Variants in PIH1D2 observed in about 807,000 individuals in gnomAD.
The protein encoded by PIH1D2 is PIH1 domain-containing protein 2.
A neutral mutation model predicts 31.2 loss-of-function variants in PIH1D2; 25 were observed. The observed-to-expected ratio is 0.80, with a 90% confidence interval of 0.58 to 1.12. PIH1D2 has a LOEUF of 1.12. Ranked by LOEUF, PIH1D2 falls within the 50% of genes most tolerant of loss-of-function variation. The probability of loss-of-function intolerance (pLI) is 0.00; values close to 1 mark genes in which losing one functional copy is unlikely to be tolerated. For synonymous variants in PIH1D2, 116 were observed against 119.9 expected, an observed-to-expected ratio of 0.97 and a Z score of 0.21; for missense variants, 310 against 356.6, an observed-to-expected ratio of 0.87 and a Z score of 1.05.
the PIH1D2 span, among the ~76,000 whole-genome samples, chr11:112,056,083 G>T: frequency 6.6e-6 from 1 of 151,450 alleles, no homozygotes; most frequent in East Asian, 1.9e-4. Flanking sequence ...GGCCAGAATG[G>T]TCTCAATCTC....
At chr11:112,059,326 C>T (rs996898375), downstream of PIH1D2, among the ~76,000 whole-genome samples, 2 of 151,878 alleles carry the variant, frequency 1.3e-5, no homozygotes, top group Non-Finnish European at 2.9e-5. Context: ...GCGAAACCAA[C>T]CTACTGCTGC....
At chr11:112,065,233 A>G (rs1428080187), downstream of PIH1D2, among the ~76,000 whole-genome samples, 6 of 152,126 alleles carry the variant, frequency 3.9e-5, no homozygotes, top group African/African-American at 1.4e-4. Context: ...ACTGGGCCCC[A>G]TTTTGTTTTT....
Position 112,071,689 on chromosome 11 carries a change from T to C in PIH1D2, c.247A>G (p.Thr83Ala). 6.2e-7 allele frequency: 1 copy of C among 1,613,212 alleles called. No individual in the cohort carries two copies. The highest frequency in any genetic ancestry group is 8.5e-7 in the Non-Finnish European group (1 of 1,179,244). The change falls in exon 3 of 6, where the codon ACT (threonine) becomes GCT (alanine). Residue 83 changes from threonine to alanine, a missense_variant. By Grantham distance (58) the Thr-to-Ala change is moderately conservative. Coordinates refer to ENST00000280350, the MANE Select transcript of PIH1D2 (RefSeq NM_138789.4). ...WTRIPAPQST[T>A]HPVPLTVGKP... ...CCAACAGTTAGAGGTACTGGATGAG[T>C]GGTTGATTGGGGAGCTGGGATCCTT...
downstream of PIH1D2, chr11:112,060,057 G>A (rs1864460815): frequency 6.2e-7 from 1 of 1,610,544 alleles, no homozygotes; most frequent in Admixed American, 1.7e-5. Context: ...ACAGCCACAT[G>A]AATTCCAGGT....
At chr11:112,061,266 C>A (rs1304215499), downstream of PIH1D2, 1 of 1,395,190 alleles carries the variant, frequency 7.2e-7, no homozygotes, top group Non-Finnish European at 1.0e-6. Flanking sequence ...GCTCCAGGAA[C>A]CCCCTCAAAT....
intron 2 of PIH1D2, 82 bp downstream of exon 2, chr11:112,072,916 T>C: frequency 8.4e-7 from 1 of 1,190,114 alleles, no homozygotes. Flanking sequence ...AAATTAGCAA[T>C]ACCTAAGTGT....
downstream of PIH1D2, among the ~76,000 whole-genome samples, chr11:112,059,733 A>G (rs1023165898): frequency 6.6e-6 from 1 of 152,218 alleles, no homozygotes; most frequent in Non-Finnish European, 1.5e-5. Flanking sequence ...AGGAGAGGGC[A>G]CAGCAAAATG....
At chr11:112,058,755 T>A (rs1426232379), downstream of PIH1D2, among the ~76,000 whole-genome samples, 5 of 152,070 alleles carry the variant, frequency 3.3e-5, no homozygotes, top group Admixed American at 3.3e-4. Context: ...TATTTTCATA[T>A]CACATTGTAG....
chr11:112,057,117 A>C, the PIH1D2 span, among the ~76,000 whole-genome samples: 1 of 152,174 alleles, frequency 6.6e-6, no homozygotes, highest in Non-Finnish European at 1.5e-5. Context: ...TGCCCCATGA[A>C]CCATGCCCAT....
the PIH1D2 span, among the ~76,000 whole-genome samples, chr11:112,054,933 T>C: frequency 6.6e-6 from 1 of 152,196 alleles, no homozygotes; most frequent in Admixed American, 6.5e-5. Context: ...CTGTATTTTC[T>C]CTTCTCTTAA....
At chr11:112,072,743 A>G (rs192557331) in intron 2 of PIH1D2, 171 of 309,800 alleles carry the variant, frequency 5.5e-4, no homozygotes, top group African/African-American at 3.5e-3. Flanking sequence ...ACACACCTGT[A>G]ATCCCAGCTA....
chr11:112,064,424 T>C (rs1864828770), downstream of PIH1D2: 1 of 520,178 alleles, frequency 1.9e-6, no homozygotes, highest in Non-Finnish European at 3.3e-6. Context: ...TGTTGGTAAT[T>C]ATTTTCACAT....
chr11:112,059,830 T>C, downstream of PIH1D2: 1 of 1,334,168 alleles, frequency 7.5e-7, no homozygotes, highest in Non-Finnish European at 1.0e-6. Flanking sequence ...TAAATATAAA[T>C]ATTCTTGCTT....
At chr11:112,066,460 A>T (rs1339436453), downstream of PIH1D2, among the ~76,000 whole-genome samples, 1 of 151,904 alleles carries the variant, frequency 6.6e-6, no homozygotes, top group Non-Finnish European at 1.5e-5. Flanking sequence ...CAACATGGAG[A>T]AACCCTGTCT....
chr11:112,057,057 T>C, the PIH1D2 span, among the ~76,000 whole-genome samples: 976 of 152,350 alleles, frequency 6.4e-3, 11 homozygotes, highest in Middle Eastern at 0.02. Flanking sequence ...GTATCTGTTA[T>C]GGTGACCTGT....
chr11:112,061,850 T>G (rs932251079), downstream of PIH1D2, among the ~76,000 whole-genome samples: 1 of 152,332 alleles, frequency 6.6e-6, no homozygotes, highest in Admixed American at 6.5e-5. Context: ...TCCAAAGTGC[T>G]GGGATTACAG....
chr11:112,064,196 G>A (rs782067312), downstream of PIH1D2: 17 of 1,565,734 alleles, frequency 1.1e-5, 1 homozygote, highest in Admixed American at 7.6e-5. Context: ...TTCATCTTTC[G>A]CTAATGCTTG....
At chr11:112,068,926 T>C (rs1364796359) in intron 5 of PIH1D2, among the ~76,000 whole-genome samples, 5 of 151,550 alleles carry the variant, frequency 3.3e-5, no homozygotes, top group African/African-American at 9.7e-5. Context: ...ATTAAGGCAA[T>C]ATAGAGGCAA....
intron 5 of PIH1D2, 195 bp downstream of exon 5, chr11:112,070,241 A>T (rs1208419614): frequency 1.5e-6 from 1 of 654,892 alleles, no homozygotes; most frequent in Non-Finnish European, 2.6e-6. Flanking sequence ...ATTACGATCC[A>T]CTGCATGGTT....
Sources: gnomAD v4.1 joint callset for allele counts (sites outside exome capture counted in the v4.1 genomes callset) on GRCh38, gnomAD v4.1.1 for gene constraint, MANE v1.5 for transcripts, NCBI Gene and HGNC (gene_info 2026-07-23, HGNC 2026-07-21) for gene names.